Variants in DLG1 observed in about 807,000 individuals in gnomAD.
DLG1 encodes the protein discs large MAGUK scaffold protein 1.
In DLG1, 42 loss-of-function variants were observed where a neutral mutation model predicts 123.4. The observed-to-expected ratio is 0.34, with a 90% CI of 0.27 to 0.44. The LOEUF (loss-of-function observed/expected upper bound fraction) is 0.44, where lower values mean the gene tolerates loss of function less well. DLG1 is among the 20% of genes least tolerant of loss of function. The pLI, the probability that DLG1 is intolerant of heterozygous loss-of-function variation, is 1.00. For missense variants in DLG1, 942 were observed against 1,082.6 expected (o/e 0.87, Z 1.82); for synonymous variants, 317 against 356.2 (o/e 0.89, Z 1.24).
chr3:197,097,856 AG>A (rs1258072658), intron 14 of DLG1, among the ~76,000 whole-genome samples: 1 of 152,026 alleles, frequency 6.6e-6, no homozygotes, highest in Non-Finnish European at 1.5e-5. Context: ...CTGGAATTAT[AG>A]GCGTGAGCCA....
At chr3:197,285,041 A>C (rs1348000019) in intron 3 of DLG1, among the ~76,000 whole-genome samples, 3 of 148,604 alleles carry the variant, frequency 2.0e-5, no homozygotes, top group Admixed American at 6.8e-5. Flanking sequence ...AAAAAAAAAA[A>C]AAAAAACTGG....
In DLG1 at chr3:197,103,180, A is replaced by G. The variant is rs568407551; in HGVS notation, c.1546+1723T>C. On this transcript the variant is annotated intron_variant, in intron 14 of 24. Coordinates refer to ENST00000667157, the MANE Select transcript of DLG1 (RefSeq NM_001366207.1). ...TCTGCAAGACCTCAGCTGCTTAAGGAGTCTTTACCTCTACTTGGTTGTCCA... is the reference window on the plus strand; with the variant it reads ...TCTGCAAGACCTCAGCTGCTTAAGGGGTCTTTACCTCTACTTGGTTGTCCA... Among the ~76,000 whole-genome samples the G allele has an allele frequency of 3.3e-5, 5 of 152,234 alleles. No homozygotes were observed. The South Asian group carries it at 1.0e-3, about 32-fold the overall frequency.
At chr3:197,283,192 A>G (rs961341559) in intron 3 of DLG1, among the ~76,000 whole-genome samples, 4 of 152,242 alleles carry the variant, frequency 2.6e-5, no homozygotes, top group Non-Finnish European at 4.4e-5. Context: ...AGTATAATAC[A>G]TATAAGATGC....
intron 4 of DLG1, among the ~76,000 whole-genome samples, chr3:197,280,359 G>GTGTA (rs1553813800): frequency 9.9e-5 from 15 of 151,974 alleles, no homozygotes; most frequent in African/African-American, 3.6e-4. Flanking sequence ...GTGTGTGTGT[G>GTGTA]TGTGTGTGTA....
At chr3:197,081,331 A>C (rs1337798810) in intron 16 of DLG1, among the ~76,000 whole-genome samples, 2 of 152,236 alleles carry the variant, frequency 1.3e-5, no homozygotes, top group Non-Finnish European at 2.9e-5. Context: ...GAAGTTATCA[A>C]CACACAGTAT....
intron 4 of DLG1, among the ~76,000 whole-genome samples, chr3:197,273,245 T>G (rs1436937621): frequency 7.2e-6 from 1 of 138,090 alleles, no homozygotes; most frequent in Non-Finnish European, 1.6e-5. Context: ...TTTTTCTTTA[T>G]TTTTATTTTT....
In DLG1 at chr3:197,080,203, G is replaced by C. The variant is rs113825275; in HGVS notation, c.1905+848C>G. 1.8e-4 allele frequency among the ~76,000 whole-genome samples: 27 copies of C among 148,638 alleles called. 1 individual carries two copies. The highest frequency in any genetic ancestry group is 6.7e-4 in the African/African-American group (27 of 40,384). On this transcript the variant is annotated intron_variant, in intron 17 of 24. Transcript: ENST00000667157. ...CCAAGTATTTAGATGCAAGCAGAAG[G>C]ACTTAAAGTGAAGGAAAAATAAATA...
chr3:197,168,276 TCTTC>T (rs1406604840), intron 5 of DLG1, among the ~76,000 whole-genome samples: 1 of 152,216 alleles, frequency 6.6e-6, no homozygotes, highest in Non-Finnish European at 1.5e-5. Context: ...GGCCCCTGCC[TCTTC>T]CTTAAGGCCA....
intron 22 of DLG1, among the ~76,000 whole-genome samples, chr3:197,061,538 T>C (rs185461090): frequency 1.3e-5 from 2 of 152,076 alleles, no homozygotes; most frequent in Admixed American, 6.5e-5. Context: ...TCACACATTG[T>C]ATTTAGTTGT....
chr3:197,138,506 T>A (rs1786235674), intron 8 of DLG1, 115 bp from the exon 9 acceptor site: 1 of 410,684 alleles, frequency 2.4e-6, no homozygotes. Flanking sequence ...TATAAATAAT[T>A]CTGGAGTAAT....
In DLG1 at chr3:197,261,123, C is replaced by CT. The variant is rs1467370029; in HGVS notation, c.318+21555dup. Among the ~76,000 whole-genome samples, 7 of 152,290 alleles carry CT rather than the reference C, an allele frequency of 4.6e-5. No homozygotes were observed. The East Asian group carries it at 1.3e-3, about 29-fold the overall frequency. On this transcript the variant is annotated intron_variant, in intron 4 of 24. Coordinates refer to ENST00000667157, the MANE Select transcript of DLG1 (RefSeq NM_001366207.1). ...TAACCTTTCAAACTCCTCAAGAAGT[C>CT]TTTGTTTTTAAGTCAACTAACTTTG...
intron 1 of DLG1, 100 bp downstream of exon 1, chr3:197,298,436 C>T: frequency 1.0e-5 from 4 of 398,784 alleles, no homozygotes; most frequent in Non-Finnish European, 1.8e-5. Context: ...AGCCCACCGG[C>T]GCGTCCCGCA....
chr3:197,288,312 C>T (rs1462910544), intron 3 of DLG1, among the ~76,000 whole-genome samples: 6 of 124,312 alleles, frequency 4.8e-5, no homozygotes, highest in Admixed American at 2.0e-4. Flanking sequence ...AGCAGTGAGC[C>T]GAGATTGCAC....
intron 11 of DLG1, among the ~76,000 whole-genome samples, chr3:197,129,278 T>C (rs1781322435): frequency 6.6e-6 from 1 of 152,246 alleles, no homozygotes; most frequent in African/African-American, 2.4e-5. Flanking sequence ...CAGCACTTGC[T>C]GCTTTACCTT....
chr3:197,116,092 TA>T lies in DLG1; in HGVS notation c.1287-10del. 17 of 1,584,972 alleles carry T rather than the reference TA, an allele frequency of 1.1e-5. No homozygotes were observed. The highest frequency in any genetic ancestry group is 3.9e-5 in the Admixed American group (2 of 51,900). On this transcript the variant is annotated splice_polypyrimidine_tract_variant and intron_variant, in intron 12 of 24. Coordinates refer to ENST00000667157, the MANE Select transcript of DLG1 (RefSeq NM_001366207.1). ...CAACTTTTCTAGGTTCCCTAAAAAT[TA>T]AAAAAAATTGAGTATCTTGGAAATT...
At chr3:197,199,854 A>G (rs1724687438) in intron 4 of DLG1, among the ~76,000 whole-genome samples, 1 of 152,204 alleles carries the variant, frequency 6.6e-6, no homozygotes, top group Admixed American at 6.5e-5. Context: ...TAACACTTAT[A>G]CTAAAAAGAA....
Position 197,131,686 on chromosome 3 carries a change from C to T in DLG1, c.1021-1015G>A, listed in dbSNP as rs957727660. On this transcript the variant is annotated intron_variant, in intron 10 of 24. Transcript: ENST00000667157. ...TCAGCTCACTGCAAGCTCCGCCTCCCGGGTTCACGCCATTCTCCTGCCTCA... is the reference window on the plus strand; with the variant it reads ...TCAGCTCACTGCAAGCTCCGCCTCCTGGGTTCACGCCATTCTCCTGCCTCA... 2.9e-3 allele frequency among the ~76,000 whole-genome samples: 420 copies of T among 145,988 alleles called. 4 individuals carry two copies. The highest frequency in any genetic ancestry group is 4.6e-3 in the Non-Finnish European group (305 of 66,658).
chr3:197,158,214 A>G (rs1197208634), intron 5 of DLG1, among the ~76,000 whole-genome samples: 4 of 152,294 alleles, frequency 2.6e-5, no homozygotes, highest in Non-Finnish European at 4.4e-5. Context: ...CAAAACTACA[A>G]TGAGATGTCA....
At chr3:197,135,681 G>T (rs1784730030) in intron 10 of DLG1, among the ~76,000 whole-genome samples, 1 of 152,088 alleles carries the variant, frequency 6.6e-6, no homozygotes, top group Non-Finnish European at 1.5e-5. Flanking sequence ...AATGATATGG[G>T]TAAGTCTCAG....
Sources: gnomAD v4.1 joint callset for allele counts (sites outside exome capture counted in the v4.1 genomes callset) on GRCh38, gnomAD v4.1.1 for gene constraint, MANE v1.5 for transcripts, NCBI Gene and HGNC (gene_info 2026-07-23, HGNC 2026-07-21) for gene names.